The following MAF variants were observed in gnomAD, a reference collection of about 807,000 sequenced individuals.
The protein encoded by MAF is transcription factor Maf.
A neutral mutation model predicts 22.0 loss-of-function variants in MAF; 10 were observed. The ratio of observed to expected loss-of-function variants is 0.45; its 90% CI spans 0.28 to 0.77. The LOEUF (loss-of-function observed/expected upper bound fraction) is 0.77. MAF is among the 30% of genes least tolerant of loss of function. MAF has a pLI of 0.12. For missense variants in MAF, 544 were observed against 548.4 expected (o/e 0.99, Z 0.08); for synonymous variants, 337 against 255.8 (o/e 1.32, Z -3.03).
the MAF span, among the ~76,000 whole-genome samples, chr16:79,350,034 C>A: frequency 6.6e-6 from 1 of 152,234 alleles, no homozygotes; most frequent in Admixed American, 6.5e-5. Flanking sequence ...CTCCCCAGGA[C>A]TGCCCCAGCC....
the MAF span, among the ~76,000 whole-genome samples, chr16:79,494,485 A>G: frequency 6.6e-6 from 1 of 152,090 alleles, no homozygotes; most frequent in African/African-American, 2.4e-5. Context: ...GACCACACCC[A>G]AGACAGTTTC....
chr16:79,477,413 T>C, the MAF span, among the ~76,000 whole-genome samples: 1 of 152,166 alleles, frequency 6.6e-6, no homozygotes, highest in Non-Finnish European at 1.5e-5. Flanking sequence ...AAGGCCAGCC[T>C]CCACGAGCCT....
chr16:79,230,161 G>T, the MAF span, among the ~76,000 whole-genome samples: 2 of 152,048 alleles, frequency 1.3e-5, no homozygotes, highest in Admixed American at 6.6e-5. Context: ...AACATTTCTG[G>T]TTCTTACACA....
At chr16:79,346,154 A>G in the MAF span, among the ~76,000 whole-genome samples, 2 of 151,438 alleles carry the variant, frequency 1.3e-5, no homozygotes, top group South Asian at 2.1e-4. Flanking sequence ...CATTAGGTGT[A>G]TCTCCTAATG....
At chr16:79,339,194 C>A in the MAF span, among the ~76,000 whole-genome samples, 4 of 152,174 alleles carry the variant, frequency 2.6e-5, no homozygotes, top group South Asian at 2.1e-4. Flanking sequence ...CTCAGCCTCT[C>A]GAGTAGCTGG....
chr16:79,578,048 T>C, the MAF span, among the ~76,000 whole-genome samples: 6 of 152,168 alleles, frequency 3.9e-5, no homozygotes, highest in East Asian at 1.9e-4. Flanking sequence ...ATTTCTGAAC[T>C]AATGAGCCCA....
At chr16:79,320,438 G>A in the MAF span, among the ~76,000 whole-genome samples, 9 of 152,316 alleles carry the variant, frequency 5.9e-5, no homozygotes, top group South Asian at 2.1e-4. Context: ...TGGGGATGCC[G>A]TTGGTCAGCC....
chr16:79,372,786 C>T, the MAF span, among the ~76,000 whole-genome samples: 18 of 152,198 alleles, frequency 1.2e-4, no homozygotes, highest in African/African-American at 3.4e-4. Context: ...TCCAACCTCC[C>T]CCACTGGCTT....
chr16:79,495,610 T>C, the MAF span, among the ~76,000 whole-genome samples: 1 of 152,198 alleles, frequency 6.6e-6, no homozygotes, highest in African/African-American at 2.4e-5. Context: ...CATTCACAGG[T>C]TCCAGAGATT....
chr16:79,417,994 C>T, the MAF span, among the ~76,000 whole-genome samples: 1 of 152,080 alleles, frequency 6.6e-6, no homozygotes, highest in Admixed American at 6.6e-5. Flanking sequence ...TCCTCCTGCG[C>T]GGGTCTGGCC....
chr16:79,370,771 G>T, the MAF span, among the ~76,000 whole-genome samples: 1 of 152,074 alleles, frequency 6.6e-6, no homozygotes, highest in African/African-American at 2.4e-5. Context: ...CTACATAACT[G>T]AAATAAACTC....
chr16:79,383,346 G>A, the MAF span, among the ~76,000 whole-genome samples: 2 of 151,858 alleles, frequency 1.3e-5, no homozygotes, highest in African/African-American at 2.4e-5. Flanking sequence ...GATTCACAGG[G>A]GAAAACTCAA....
chr16:79,392,044 G>A, the MAF span, among the ~76,000 whole-genome samples: 2 of 149,542 alleles, frequency 1.3e-5, no homozygotes, highest in Non-Finnish European at 3.0e-5. Context: ...ATGAGGAGAA[G>A]GAGGACAGAG....
the MAF span, among the ~76,000 whole-genome samples, chr16:79,475,557 T>C: frequency 6.6e-6 from 1 of 152,148 alleles, no homozygotes; most frequent in South Asian, 2.1e-4. Flanking sequence ...TCTGTCTATA[T>C]GGCTCTGAGT....
the MAF span, among the ~76,000 whole-genome samples, chr16:79,231,265 G>A: frequency 2.0e-5 from 3 of 151,958 alleles, no homozygotes; most frequent in African/African-American, 7.2e-5. Flanking sequence ...TAAGAACCCG[G>A]GCTAGCATGC....
At chr16:79,596,890 T>G in intron 1 of MAF, 2 of 1,049,786 alleles carry the variant, frequency 1.9e-6, no homozygotes, top group Non-Finnish European at 2.3e-6. Context: ...TTTGCAATTT[T>G]TTTTTGTATT....
chr16:79,516,548 A>C, the MAF span, among the ~76,000 whole-genome samples: 1 of 152,236 alleles, frequency 6.6e-6, no homozygotes, highest in African/African-American at 2.4e-5. Context: ...AGTAATAATT[A>C]ATATAATACA....
At chr16:79,208,131 C>T in the MAF span, among the ~76,000 whole-genome samples, 8 of 152,150 alleles carry the variant, frequency 5.3e-5, no homozygotes, top group African/African-American at 1.4e-4. Context: ...AAACAAGAGT[C>T]CTGGGTAATT....
In MAF at chr16:79,599,268, C is replaced by T. The variant is rs1226314276; in HGVS notation, c.635G>A (p.Gly212Asp). The T allele has an allele frequency of 1.8e-5, 18 of 978,592 alleles. No homozygotes were observed. The highest frequency in any genetic ancestry group is 2.2e-5 in the Non-Finnish European group (18 of 827,470). The allele number at this position is 978,592 out of a possible 1,614,324, so 60.6% of individuals were successfully genotyped here. Reference protein sequence around the residue: ...AAGSAAASAGGAGGAGGGGPA... With the variant: ...AAGSAAASAGDAGGAGGGGPA... ...GCCACCGCCGCCCGCGCCCCCAGCG[C>T]CACCGGCCGAGGCGGCCGCGCTGCC... Residue 212 changes from glycine (G) to aspartate (D), a missense_variant, in exon 1 of 2, where the codon GGC becomes GAC. Gly to Asp is a moderately conservative substitution (Grantham distance 94, BLOSUM62 -1). This residue lies in a region of MAF where 342 missense variants were observed against 315.5 expected (regional missense o/e 1.08). Transcript: ENST00000326043.
Sources: allele counts gnomAD v4.1 joint callset (sites outside exome capture counted in the v4.1 genomes callset), GRCh38; gene constraint gnomAD v4.1.1; regional missense constraint gnomAD v4.1.1; transcripts MANE v1.5; gene names NCBI Gene and HGNC (gene_info 2026-07-23, HGNC 2026-07-21).